The following SLC38A1 variants were observed in gnomAD, a reference collection of about 807,000 sequenced individuals.
SLC38A1 encodes the protein solute carrier family 38 member 1, also known as sodium-coupled neutral amino acid symporter 1.
In SLC38A1, 18 loss-of-function variants were observed where a neutral mutation model predicts 60.3. The ratio of observed to expected loss-of-function variants is 0.30; its 90% CI spans 0.21 to 0.44. The LOEUF (loss-of-function observed/expected upper bound fraction) is 0.44, where lower values mean the gene tolerates loss of function less well. Among genes scored for constraint, SLC38A1 ranks in the 20% least tolerant of loss-of-function variants. The probability of loss-of-function intolerance (pLI) is 1.00; values close to 1 mark genes in which losing one functional copy is unlikely to be tolerated. For synonymous variants in SLC38A1, 196 were observed against 212.1 expected, an observed-to-expected ratio of 0.92 and a Z score of 0.66; for missense variants, 448 against 587.2, an observed-to-expected ratio of 0.76 and a Z score of 2.45.
intron 3 of SLC38A1, among the ~76,000 whole-genome samples, chr12:46,233,073 C>G (rs1326459218): frequency 6.6e-6 from 1 of 152,072 alleles, no homozygotes; most frequent in Non-Finnish European, 1.5e-5. Context: ...AGCTGGAGTG[C>G]AGTGACACAA....
At chr12:46,235,541 G>A (rs938182801) in intron 3 of SLC38A1, among the ~76,000 whole-genome samples, 1 of 151,896 alleles carries the variant, frequency 6.6e-6, no homozygotes, top group Non-Finnish European at 1.5e-5. Context: ...ACTGAAAATA[G>A]GAAAAAAAGA....
chr12:46,183,764 T>C lies in SLC38A1; in HGVS notation c.*5206A>G, dbSNP rs1380921130. The C allele has an allele frequency of 6.6e-6, 1 of 152,220 alleles. No homozygotes were observed. Among genetic ancestry groups the C allele is most frequent in the Non-Finnish European group, 1.5e-5 (1 of 68,022 alleles). 9.4% of individuals were successfully genotyped at this position (152,220 alleles called of 1,614,324 possible). On this transcript the variant is annotated 3_prime_UTR_variant, in exon 17 of 17. Transcript: ENST00000398637. ...TAAATAATTGATCTTAATGCCAGCA[T>C]AAGAAATCAAGGGAACTATTTCTCA...
chr12:46,243,035 G>T (rs1369484051), intron 2 of SLC38A1, among the ~76,000 whole-genome samples, 165 bp downstream of exon 2: 2 of 151,344 alleles, frequency 1.3e-5, no homozygotes, highest in Non-Finnish European at 2.9e-5. Context: ...TAAGCATTTT[G>T]AAGAACAGAA....
rs906126250 is a variant in SLC38A1 at position 46,268,655 on chromosome 12, C to A, written c.-338G>T. The A allele has an allele frequency of 8.2e-6, 2 of 242,614 alleles. No individual in the cohort carries two copies. Among genetic ancestry groups the A allele is most frequent in the Admixed American group, 4.6e-5 (1 of 21,970 alleles). 15.0% of individuals were successfully genotyped at this position (242,614 alleles called of 1,614,324 possible). On this transcript the variant is annotated 5_prime_UTR_variant, in exon 1 of 17. Coordinates refer to ENST00000398637, the MANE Select transcript of SLC38A1 (RefSeq NM_030674.4). The surrounding 1 kb of genome is among the most constrained non-coding windows in gnomAD (Gnocchi z 4.4). Reference sequence around the variant, plus strand: ...GCGGAGGCCGGGAAAATGTGGCCCCCGTCAGTAAGGGTTGGGCAGGGAGCT... The same window carrying A: ...GCGGAGGCCGGGAAAATGTGGCCCCAGTCAGTAAGGGTTGGGCAGGGAGCT...
At chr12:46,207,651 G>T in intron 6 of SLC38A1, 30 bp from the exon 7 acceptor site, 2 of 1,585,138 alleles carry the variant, frequency 1.3e-6, no homozygotes, top group Non-Finnish European at 1.7e-6. Flanking sequence ...GAGAACACAA[G>T]AAATGACAGG....
At chr12:46,191,649 A>G (rs927556212) in intron 16 of SLC38A1, among the ~76,000 whole-genome samples, 1 of 152,148 alleles carries the variant, frequency 6.6e-6, no homozygotes, top group African/African-American at 2.4e-5. Context: ...GGTCCTTCAC[A>G]TCCCTTGTAA....
At position 46,268,756 on chromosome 12, in the gene SLC38A1, C is replaced by T. The variant is rs1942447501; in HGVS notation, c.-439G>A. 4 of 315,404 alleles carry T rather than the reference C, an allele frequency of 1.3e-5. No individual in the cohort carries two copies. The highest frequency in any genetic ancestry group is 4.1e-4 in the Middle Eastern group (1 of 2,410). The allele number at this position is 315,404 out of a possible 1,614,324, so 19.5% of individuals were successfully genotyped here. On this transcript the variant is annotated 5_prime_UTR_variant, in exon 1 of 17. Transcript: ENST00000398637. The surrounding 1 kb of genome is among the most constrained non-coding windows in gnomAD (Gnocchi z 4.4). ...CGACCTTCTGGCGGAGTGGCGTGGCCGCCCCAGTCCGCGCTCGCCTGGCTC... is the reference window on the plus strand; with the variant it reads ...CGACCTTCTGGCGGAGTGGCGTGGCTGCCCCAGTCCGCGCTCGCCTGGCTC...
intron 16 of SLC38A1, among the ~76,000 whole-genome samples, chr12:46,192,268 T>A (rs777844828): frequency 7.9e-5 from 12 of 152,246 alleles, no homozygotes; most frequent in Non-Finnish European, 1.6e-4. Flanking sequence ...CAGCCTTGCA[T>A]CCCAGGGATG....
chr12:46,242,906 T>A (rs1167007565), intron 2 of SLC38A1, among the ~76,000 whole-genome samples: 1 of 152,154 alleles, frequency 6.6e-6, no homozygotes, highest in Non-Finnish European at 1.5e-5. Flanking sequence ...AGATTTTTCT[T>A]CCTTTTCTCT....
At chr12:46,234,435 T>C (rs1941183173) in intron 3 of SLC38A1, among the ~76,000 whole-genome samples, 2 of 142,874 alleles carry the variant, frequency 1.4e-5, no homozygotes, top group African/African-American at 5.6e-5. Context: ...TATTTCTTTT[T>C]TTCTTTCTTT....
At chr12:46,252,290 G>A (rs1941873448) in intron 1 of SLC38A1, among the ~76,000 whole-genome samples, 1 of 152,096 alleles carries the variant, frequency 6.6e-6, no homozygotes, top group Non-Finnish European at 1.5e-5. Flanking sequence ...TGAACAATGA[G>A]AACAGTTGGA....
intron 1 of SLC38A1, among the ~76,000 whole-genome samples, chr12:46,244,488 G>A (rs201897632): frequency 6.6e-6 from 1 of 152,294 alleles, no homozygotes; most frequent in East Asian, 1.9e-4. Flanking sequence ...TCCACCAATG[G>A]GAGAGTGGTG....
chr12:46,251,131 T>C (rs945632258), intron 1 of SLC38A1, among the ~76,000 whole-genome samples: 5 of 152,240 alleles, frequency 3.3e-5, no homozygotes, highest in Non-Finnish European at 7.3e-5. Flanking sequence ...AGCATGGTAC[T>C]GGTACCAAAA....
Position 46,189,013 on chromosome 12 carries a change from A to C in SLC38A1, c.1421T>G (p.Ile474Ser), listed in dbSNP as rs1202290529. 6.2e-7 allele frequency: 1 copy of C among 1,613,806 alleles called. No individual in the cohort carries two copies. The highest frequency in any genetic ancestry group is 8.5e-7 in the Non-Finnish European group (1 of 1,179,830). The change falls in exon 17 of 17, where the codon ATC (isoleucine) becomes AGC (serine). Residue 474 changes from isoleucine (I) to serine (S), a missense_variant. Coordinates refer to ENST00000398637, the MANE Select transcript of SLC38A1 (RefSeq NM_030674.4). ...ACTCGATGAGCAGGCCCAGTCATAG[A>C]TGACCAAGGGAATGCTGACCAAGGA... The part of the protein sequence containing the change: ...LFSLVSIPLV[I>S]YDWACSSSSD...
At chr12:46,259,980 C>A (rs1032757452) in intron 1 of SLC38A1, among the ~76,000 whole-genome samples, 1 of 152,152 alleles carries the variant, frequency 6.6e-6, no homozygotes, top group Non-Finnish European at 1.5e-5. Context: ...AGCTGTGTAG[C>A]CCCAGGAAAG....
chr12:46,218,519 T>C (rs534473677), intron 5 of SLC38A1, among the ~76,000 whole-genome samples: 7 of 152,280 alleles, frequency 4.6e-5, no homozygotes, highest in African/African-American at 1.7e-4. Context: ...GAGCACCCAA[T>C]GGACTTGTTG....
intron 1 of SLC38A1, among the ~76,000 whole-genome samples, chr12:46,255,232 A>G (rs905536224): frequency 1.3e-5 from 2 of 152,236 alleles, no homozygotes; most frequent in Non-Finnish European, 2.9e-5. Context: ...CTTTTAGGAC[A>G]GCCACTATTA....
chr12:46,217,314 C>T (rs939278135), intron 5 of SLC38A1, among the ~76,000 whole-genome samples: 1 of 152,114 alleles, frequency 6.6e-6, no homozygotes, highest in African/African-American at 2.4e-5. Flanking sequence ...CTATCAAAGT[C>T]AAACATCCAG....
At chr12:46,197,684 A>C (rs564268294) in intron 16 of SLC38A1, 36 bp downstream of exon 16, 1 of 1,316,488 alleles carries the variant, frequency 7.6e-7, no homozygotes, top group African/African-American at 1.5e-5. Context: ...ATGGAAAACT[A>C]ATCAGAAAAG....
Sources: allele counts gnomAD v4.1 joint callset (sites outside exome capture counted in the v4.1 genomes callset), GRCh38; gene constraint gnomAD v4.1.1; non-coding constraint Gnocchi (gnomAD v3.1); transcripts MANE v1.5; gene names NCBI Gene and HGNC (gene_info 2026-07-23, HGNC 2026-07-21).